Variants in MYO5A observed in about 807,000 individuals in gnomAD.
MYO5A encodes the protein unconventional myosin-Va.
Under a neutral mutation model 249.7 loss-of-function variants are expected in MYO5A, and 98 were observed. That is an observed-to-expected ratio of 0.39 (90% confidence interval 0.33 to 0.46). The LOEUF (loss-of-function observed/expected upper bound fraction) is 0.46, where lower values mean the gene tolerates loss of function less well. MYO5A is among the 20% of genes least tolerant of loss of function. The probability of loss-of-function intolerance (pLI) is 0.98; values close to 1 mark genes in which losing one functional copy is unlikely to be tolerated. For missense variants in MYO5A, 1,696 were observed against 2,308.8 expected (o/e 0.73, Z 5.44); for synonymous variants, 778 against 810.6 (o/e 0.96, Z 0.68).
chr15:52,357,939 A>G (rs1414459600), intron 25 of MYO5A, among the ~76,000 whole-genome samples: 1 of 152,172 alleles, frequency 6.6e-6, no homozygotes, highest in Non-Finnish European at 1.5e-5. Flanking sequence ...TACCACCACT[A>G]CAGGCCTGGC....
At chr15:52,447,677 T>C (rs1452676176) in intron 1 of MYO5A, among the ~76,000 whole-genome samples, 1 of 152,168 alleles carries the variant, frequency 6.6e-6, no homozygotes, top group Non-Finnish European at 1.5e-5. Flanking sequence ...GATAGGGATA[T>C]GCACAGTGAA....
Position 52,313,541 on chromosome 15 carries a change from G to C in MYO5A, c.*155C>G, listed in dbSNP as rs577954061. 1.0e-6 allele frequency: 1 copy of C among 971,118 alleles called. No homozygotes were observed. Among genetic ancestry groups the C allele is most frequent in the East Asian group, 2.6e-5 (1 of 37,980 alleles). 60.2% of individuals were successfully genotyped at this position (971,118 alleles called of 1,614,324 possible). A position where few individuals can be genotyped will look rare whatever the true frequency, so the allele number is the denominator to read the frequency against. ...AGCCTATCTTTGTTTCCAAAGTGAT[G>C]AAAGTATTCTAGGGAGATTTCCAGT... On this transcript the variant is annotated 3_prime_UTR_variant, in exon 42 of 42. Transcript: ENST00000399233.
rs768446514 is a variant in MYO5A, at chr15:52,433,166, A to G, written c.138+9T>C. On this transcript the variant is annotated intron_variant, in intron 2 of 41. Transcript: ENST00000399233. ...ATGCCAATGACAACAAATGAAAGTG[A>G]GATCTCACCTTTCCTTCCTCGAGGT... The G allele has an allele frequency of 3.2e-6, 5 of 1,562,494 alleles. No individual in the cohort carries two copies. Among genetic ancestry groups the G allele is most frequent in the Non-Finnish European group, 4.4e-6 (5 of 1,133,194 alleles).
chr15:52,466,458 C>T (rs959836881), intron 1 of MYO5A, among the ~76,000 whole-genome samples: 12 of 152,160 alleles, frequency 7.9e-5, no homozygotes, highest in Admixed American at 3.3e-4. Flanking sequence ...GCACTGCAGA[C>T]GAGAAGCAAA....
chr15:52,528,768 G>A lies in MYO5A; in HGVS notation c.27+12C>T, dbSNP rs1328204679. On this transcript the variant is annotated intron_variant, in intron 1 of 41. Transcript: ENST00000399233. ...AGCCCCAGTCCTCGACGCCGGCCGC[G>A]GGGTGCCTTACCTTTGTGTAGAGCT... 4.0e-6 allele frequency: 6 copies of A among 1,505,524 alleles called. No homozygotes were observed. The highest frequency in any genetic ancestry group is 1.8e-6 in the Non-Finnish European group (2 of 1,134,130). The allele number at this position is 1,505,524 out of a possible 1,614,324, so 93.3% of individuals were successfully genotyped here. A position where few individuals can be genotyped will look rare whatever the true frequency, so the allele number is the denominator to read the frequency against.
At chr15:52,396,501 A>T (rs1339425356) in intron 10 of MYO5A, 104 bp from the exon 11 acceptor site, 7 of 685,292 alleles carry the variant, frequency 1.0e-5, no homozygotes, top group Non-Finnish European at 1.5e-5. Flanking sequence ...GACATTCCCC[A>T]ACATTGTAAA....
chr15:52,353,800 C>T (rs999276630), intron 26 of MYO5A, 71 bp downstream of exon 26: 2 of 1,607,010 alleles, frequency 1.2e-6, no homozygotes, highest in African/African-American at 1.3e-5. Flanking sequence ...GCTGAGTCTC[C>T]ACTAAGGAAG....
chr15:52,421,339 T>C (rs1004374255), intron 4 of MYO5A, among the ~76,000 whole-genome samples: 2 of 152,090 alleles, frequency 1.3e-5, no homozygotes, highest in Non-Finnish European at 2.9e-5. Context: ...TAAAACCAGA[T>C]GAGAGGCTCA....
rs147898420 is a variant in MYO5A at position 52,330,476 on chromosome 15, G to A, written c.4432C>T (p.Pro1478Ser). The A allele has an allele frequency of 5.0e-4, 800 of 1,613,990 alleles. 2 individuals carry two copies. The highest frequency in any genetic ancestry group is 8.3e-4 in the Middle Eastern group (5 of 6,060). ...ATGGGTTCATCAATGATCTGTCCTG[G>A]GGATATGTTCTCCATCTGGCCCACT... ...LEVGQMENIS[P>S]GQIIDEPIRP... The change falls in exon 35 of 42, where the codon CCA (proline) becomes TCA (serine). Residue 1478 changes from proline (P) to serine (S), a missense_variant. Pro to Ser is a moderately conservative substitution (Grantham distance 74). Transcript: ENST00000399233.
Position 52,335,598 on chromosome 15 carries a change from AATAAACAC to A in MYO5A, c.4408+857_4408+864del, listed in dbSNP as rs1236920482. On this transcript the variant is annotated intron_variant, in intron 34 of 41. Coordinates refer to ENST00000399233, the MANE Select transcript of MYO5A (RefSeq NM_001382347.1). ...ATCCCTGTACCTATAACTCTTAACA[AATAAACAC>A]ATAAACACACTAATAGAAAAGATAA... is the stretch of plus-strand genomic sequence containing the variant. 7.9e-5 allele frequency among the ~76,000 whole-genome samples: 12 copies of A among 152,134 alleles called. No individual in the cohort carries two copies. In the South Asian group the frequency reaches 2.3e-3, roughly 29 times the overall value.
chr15:52,429,366 C>T (rs2075469413), intron 2 of MYO5A, among the ~76,000 whole-genome samples: 1 of 151,778 alleles, frequency 6.6e-6, no homozygotes, highest in Non-Finnish European at 1.5e-5. Context: ...CCAGCCTGGC[C>T]AACATGGCAA....
rs552155766 is a variant in MYO5A at position 52,435,037 on chromosome 15, A to G, written c.28-1752T>C. Among the ~76,000 whole-genome samples, 60 of 152,344 alleles carry G rather than the reference A, an allele frequency of 3.9e-4. No homozygotes were observed. In the South Asian group the frequency reaches 0.012, roughly 31 times the overall value. On this transcript the variant is annotated intron_variant, in intron 1 of 41. Coordinates refer to ENST00000399233, the MANE Select transcript of MYO5A (RefSeq NM_001382347.1). ...GGGCAACTTCCCAAAGAACTGTGATAATGTAATGACTATTCTAAGTACTGG... is the reference window on the plus strand; with the variant it reads ...GGGCAACTTCCCAAAGAACTGTGATGATGTAATGACTATTCTAAGTACTGG...
chr15:52,333,698 T>A (rs1229953568), intron 34 of MYO5A, among the ~76,000 whole-genome samples: 1 of 152,248 alleles, frequency 6.6e-6, no homozygotes, highest in South Asian at 2.1e-4. Flanking sequence ...AGCATTTTTT[T>A]TAAAAGTCTG....
chr15:52,407,358 G>C lies in MYO5A; in HGVS notation c.880C>G (p.Pro294Ala), dbSNP rs1156539774. The C allele has an allele frequency of 6.2e-7, 1 of 1,613,604 alleles. No homozygotes were observed. The highest frequency in any genetic ancestry group is 1.3e-5 in the African/African-American group (1 of 74,996). ...NFNYTKQGGS[P>A]VIEGVDDAKE... ...GCATCATCCACTCCTTCAATCACAG[G>C]ACTGCCTCCTTGTTTTGTGTAATTA... The change falls in exon 8 of 42, where the codon CCT becomes GCT. Residue 294 changes from proline to alanine, a missense_variant. Around this residue, in one of 5 missense-constraint regions of MYO5A, gnomAD observed 185 missense variants for 204.8 expected, o/e 0.90. Transcript: ENST00000399233.
chr15:52,417,595 T>C (rs1288367866), intron 4 of MYO5A, among the ~76,000 whole-genome samples: 1 of 152,208 alleles, frequency 6.6e-6, no homozygotes, highest in Non-Finnish European at 1.5e-5. Context: ...ATTGCCAACA[T>C]GATGATATTG....
intron 9 of MYO5A, among the ~76,000 whole-genome samples, chr15:52,400,530 A>G (rs1246603895): frequency 6.6e-6 from 1 of 152,206 alleles, no homozygotes; most frequent in African/African-American, 2.4e-5. Context: ...GATTCAATCC[A>G]GGATCATGCA....
chr15:52,469,668 C>A (rs1339896722), intron 1 of MYO5A, among the ~76,000 whole-genome samples: 1 of 152,190 alleles, frequency 6.6e-6, no homozygotes, highest in African/African-American at 2.4e-5. Flanking sequence ...GGTACCAATC[C>A]TTCTGCAACT....
chr15:52,449,567 C>T (rs984522750), intron 1 of MYO5A, among the ~76,000 whole-genome samples: 1 of 152,216 alleles, frequency 6.6e-6, no homozygotes, highest in Non-Finnish European at 1.5e-5. Flanking sequence ...ACACTCTGGC[C>T]TGGCATGGTT....
chr15:52,426,091 A>G (rs1213253861), intron 3 of MYO5A, 117 bp from the exon 4 acceptor site: 2 of 889,520 alleles, frequency 2.2e-6, no homozygotes, highest in African/African-American at 1.7e-5. Flanking sequence ...AATTTAGTTA[A>G]TATTAAACCA....
Sources: allele counts gnomAD v4.1 joint callset (sites outside exome capture counted in the v4.1 genomes callset), GRCh38; gene constraint gnomAD v4.1.1; regional missense constraint gnomAD v4.1.1; transcripts MANE v1.5; gene names NCBI Gene and HGNC (gene_info 2026-07-23, HGNC 2026-07-21).